Variants in ARMC2 observed in about 807,000 individuals in gnomAD.
ARMC2 encodes the protein armadillo repeat-containing protein 2.
In ARMC2, 67 loss-of-function variants were observed where a neutral mutation model predicts 90.3. The observed-to-expected ratio is 0.74, with a 90% CI of 0.61 to 0.91. ARMC2 has a LOEUF of 0.91. Among genes scored for constraint, ARMC2 ranks in the 40% least tolerant of loss-of-function variants. ARMC2 has a pLI of 0.00. For synonymous variants in ARMC2, 393 were observed against 393.0 expected, an observed-to-expected ratio of 1.00 and a Z score of 0.00; for missense variants, 920 against 1,030.9, an observed-to-expected ratio of 0.89 and a Z score of 1.47.
chr6:108,985,136 A>G, the ARMC2 span, among the ~76,000 whole-genome samples: 1 of 152,056 alleles, frequency 6.6e-6, no homozygotes, highest in Non-Finnish European at 1.5e-5. Context: ...TGAATATGCT[A>G]ATAAAATTTC....
At chr6:108,966,778 A>G (rs1373509883) in intron 17 of ARMC2, among the ~76,000 whole-genome samples, 2 of 152,184 alleles carry the variant, frequency 1.3e-5, no homozygotes, top group African/African-American at 4.8e-5. Context: ...TTAAAACCCA[A>G]AAAAACTAAA....
chr6:108,964,421 T>G (rs1778216507), intron 16 of ARMC2, 109 bp downstream of exon 16: 1 of 1,303,176 alleles, frequency 7.7e-7, no homozygotes, highest in Non-Finnish European at 1.1e-6. Flanking sequence ...ATTTCAACAT[T>G]GGGAAGCCCC....
chr6:108,939,269 C>A (rs1174631409), intron 12 of ARMC2, among the ~76,000 whole-genome samples: 1 of 152,060 alleles, frequency 6.6e-6, no homozygotes, highest in African/African-American at 2.4e-5. Context: ...TTTTATGTTC[C>A]TATTGATGTG....
intron 13 of ARMC2, among the ~76,000 whole-genome samples, chr6:108,959,944 C>T (rs1206162875): frequency 6.6e-6 from 1 of 152,062 alleles, no homozygotes; most frequent in Non-Finnish European, 1.5e-5. Flanking sequence ...CCTTGGCTTC[C>T]CAAAGTGCTG....
chr6:108,903,807 A>G (rs1269307137), intron 7 of ARMC2, among the ~76,000 whole-genome samples: 1 of 152,194 alleles, frequency 6.6e-6, no homozygotes, highest in African/African-American at 2.4e-5. Flanking sequence ...AACAGTAGGA[A>G]TGAGGGTTAT....
At chr6:108,975,105 C>T (rs116990644), downstream of ARMC2, among the ~76,000 whole-genome samples, 1 of 151,870 alleles carries the variant, frequency 6.6e-6, no homozygotes, top group African/African-American at 2.4e-5. Context: ...TTGTTGCACC[C>T]ATAACCCATC....
chr6:108,904,975 A>C (rs1772529282), intron 8 of ARMC2, among the ~76,000 whole-genome samples: 1 of 152,232 alleles, frequency 6.6e-6, no homozygotes, highest in African/African-American at 2.4e-5. Flanking sequence ...GACACCAAAA[A>C]AAAAGTCTGT....
chr6:109,006,210 A>G, the ARMC2 span, among the ~76,000 whole-genome samples: 1 of 152,206 alleles, frequency 6.6e-6, no homozygotes, highest in Non-Finnish European at 1.5e-5. Flanking sequence ...GAAAAAGTCA[A>G]GAGTCTTAGA....
intron 9 of ARMC2, among the ~76,000 whole-genome samples, chr6:108,912,042 A>G (rs1426899062): frequency 6.6e-6 from 1 of 152,196 alleles, no homozygotes; most frequent in Non-Finnish European, 1.5e-5. Context: ...TGTAACAAAA[A>G]ATAAAGGTCA....
the ARMC2 span, among the ~76,000 whole-genome samples, chr6:109,035,540 G>A: frequency 5.3e-5 from 8 of 150,098 alleles, no homozygotes; most frequent in Non-Finnish European, 8.9e-5. Flanking sequence ...GTGACTACCC[G>A]GCAGAGGGAA....
chr6:108,904,153 T>TA (rs1772427154), intron 7 of ARMC2, 77 bp from the exon 8 acceptor site: 1 of 1,500,846 alleles, frequency 6.7e-7, no homozygotes, highest in Non-Finnish European at 9.1e-7. Context: ...GGTTTTTACT[T>TA]ACACTGTCTG....
intron 11 of ARMC2, among the ~76,000 whole-genome samples, chr6:108,933,884 C>T (rs963169528): frequency 1.3e-5 from 2 of 152,092 alleles, no homozygotes; most frequent in East Asian, 1.9e-4. Context: ...TTTTTTGAGA[C>T]GGAGTCTTGC....
chr6:108,943,259 T>C (rs182171314), intron 12 of ARMC2, among the ~76,000 whole-genome samples: 1 of 152,338 alleles, frequency 6.6e-6, no homozygotes, highest in Admixed American at 6.5e-5. Context: ...GAATATACTT[T>C]ATATATTCGA....
chr6:109,011,088 G>A, the ARMC2 span, among the ~76,000 whole-genome samples: 3 of 152,340 alleles, frequency 2.0e-5, no homozygotes, highest in East Asian at 5.8e-4. Context: ...TAGTTGTCTA[G>A]TAGGGCATAA....
chr6:108,870,000 G>A (rs962937930), intron 4 of ARMC2, among the ~76,000 whole-genome samples: 6 of 152,090 alleles, frequency 3.9e-5, no homozygotes, highest in African/African-American at 1.2e-4. Context: ...ACTTTACTTC[G>A]GTCTTCAGTG....
intron 5 of ARMC2, among the ~76,000 whole-genome samples, chr6:108,888,382 A>G (rs1314181541): frequency 6.6e-6 from 1 of 152,218 alleles, no homozygotes; most frequent in African/African-American, 2.4e-5. Context: ...AGATGAGGAA[A>G]CCAAAACTTA....
chr6:108,968,241 AGATACG>A (rs1247463148), intron 17 of ARMC2, among the ~76,000 whole-genome samples: 2 of 152,198 alleles, frequency 1.3e-5, no homozygotes, highest in Non-Finnish European at 2.9e-5. Flanking sequence ...GCTAGGTGAC[AGATACG>A]GAAAGTAGGT....
the ARMC2 span, among the ~76,000 whole-genome samples, chr6:108,987,786 T>C: frequency 2.6e-5 from 4 of 151,102 alleles, no homozygotes; most frequent in Admixed American, 6.6e-5. Context: ...AGATTATAAA[T>C]TTCTCAAAAC....
At chr6:108,992,642 A>C in the ARMC2 span, 3 of 652,766 alleles carry the variant, frequency 4.6e-6, no homozygotes. Flanking sequence ...AATTAGAAAC[A>C]GTCTTTCACC....
Sources: allele counts gnomAD v4.1 joint callset (sites outside exome capture counted in the v4.1 genomes callset), GRCh38; gene constraint gnomAD v4.1.1; transcripts MANE v1.5; gene names NCBI Gene and HGNC (gene_info 2026-07-23, HGNC 2026-07-21).